CREB5: variants seen among roughly 807,000 people sequenced by gnomAD.
CREB5 encodes the protein cAMP responsive element binding protein 5.
CREB5 carries 19 observed loss-of-function variants against 57.1 expected under a neutral mutation model. The observed-to-expected ratio is 0.33, with a 90% CI of 0.23 to 0.49. CREB5 has a LOEUF of 0.49. CREB5 is among the 20% of genes least tolerant of loss of function. The pLI is 0.99. For missense variants in CREB5, 579 were observed against 671.6 expected, an observed-to-expected ratio of 0.86 and a Z score of 1.52; for synonymous variants, 238 against 238.3, an observed-to-expected ratio of 1.00 and a Z score of 0.01.
chr7:28,571,796 A>G (rs931892152), intron 5 of CREB5, among the ~76,000 whole-genome samples: 27 of 152,228 alleles, frequency 1.8e-4, no homozygotes, highest in Non-Finnish European at 3.1e-4. Flanking sequence ...TTAAGAGCAC[A>G]TGGGTTCTTA....
upstream of CREB5, among the ~76,000 whole-genome samples, chr7:28,408,723 G>C (rs558553360): frequency 2.0e-5 from 3 of 152,274 alleles, no homozygotes; most frequent in South Asian, 6.2e-4. Context: ...TATTTCATGA[G>C]AGTGTGCACC....
chr7:28,323,971 G>T (rs1785534170), intron 1 of CREB5, among the ~76,000 whole-genome samples: 1 of 152,098 alleles, frequency 6.6e-6, no homozygotes, highest in Non-Finnish European at 1.5e-5. Context: ...TCACAACAGG[G>T]TTCATGCTCC....
intron 4 of CREB5, among the ~76,000 whole-genome samples, chr7:28,550,436 G>A (rs971684698): frequency 6.6e-6 from 1 of 152,168 alleles, no homozygotes; most frequent in East Asian, 1.9e-4. Context: ...GGTTGTGGAG[G>A]GGGCTGAAAG....
At chr7:28,358,204 G>A (rs970897011) in intron 1 of CREB5, among the ~76,000 whole-genome samples, 2 of 152,180 alleles carry the variant, frequency 1.3e-5, no homozygotes, top group African/African-American at 4.8e-5. Context: ...AATATGCTCC[G>A]CTGACCTCAC....
Position 28,724,236 on chromosome 7 carries a change from G to T in CREB5, c.606G>T (p.Met202Ile). ...SAVLMPMERQ[M>I]SVNSSIMGMQ... ...CTTTCTCTTAGATGGAGCGACAAAT[G>T]TCAGTGAACTCCAGCATCATGGGGA... Residue 202 changes from methionine to isoleucine, a missense_variant, in exon 7 of 11, where the codon ATG becomes ATT. Met to Ile is a conservative substitution (Grantham distance 10). This residue lies in a region of CREB5 where 459 missense variants were observed against 515.7 expected (regional missense o/e 0.89). Coordinates refer to ENST00000357727, the MANE Select transcript of CREB5 (RefSeq NM_182898.4). The T allele has an allele frequency of 1.9e-6, 3 of 1,613,112 alleles. No homozygotes were observed. The highest frequency in any genetic ancestry group is 2.5e-6 in the Non-Finnish European group (3 of 1,179,682).
At chr7:28,747,457 C>A (rs192232716) in intron 7 of CREB5, among the ~76,000 whole-genome samples, 2 of 152,302 alleles carry the variant, frequency 1.3e-5, no homozygotes, top group East Asian at 3.9e-4. Context: ...CAGCAGAATT[C>A]GATCCAAAGG....
At chr7:28,383,569 C>T (rs1266640820) in intron 1 of CREB5, among the ~76,000 whole-genome samples, 2 of 152,140 alleles carry the variant, frequency 1.3e-5, no homozygotes, top group Admixed American at 6.6e-5. Context: ...GCTCATCTCA[C>T]ATGGCAGGAA....
intron 5 of CREB5, among the ~76,000 whole-genome samples, chr7:28,609,308 G>T (rs575772529): frequency 6.6e-6 from 1 of 152,156 alleles, no homozygotes; most frequent in African/African-American, 2.4e-5. Context: ...TTTGGACAGT[G>T]CTGGGCTGCC....
chr7:28,729,821 A>C (rs1803516745), intron 7 of CREB5, among the ~76,000 whole-genome samples: 1 of 152,236 alleles, frequency 6.6e-6, no homozygotes, highest in Non-Finnish European at 1.5e-5. Context: ...CTTTTGAATC[A>C]TGCCAGCAGC....
intron 4 of CREB5, among the ~76,000 whole-genome samples, chr7:28,518,230 C>T (rs553048936): frequency 6.6e-6 from 1 of 152,272 alleles, no homozygotes; most frequent in East Asian, 1.9e-4. Context: ...CGAATCCTGC[C>T]TGAGTTGGTG....
chr7:28,600,729 G>A (rs1015751266), intron 5 of CREB5, among the ~76,000 whole-genome samples: 14 of 152,180 alleles, frequency 9.2e-5, no homozygotes, highest in African/African-American at 3.4e-4. Context: ...TCCACATTGT[G>A]TCAAAGCCAA....
chr7:28,561,007 T>TGTGTGC (rs1562798492), intron 4 of CREB5, among the ~76,000 whole-genome samples: 2 of 44,068 alleles, frequency 4.5e-5, no homozygotes, highest in African/African-American at 2.2e-4. Flanking sequence ...TGCGTGTGCG[T>TGTGTGC]GTGTGTGTGC....
intron 7 of CREB5, among the ~76,000 whole-genome samples, chr7:28,789,551 T>C (rs567573802): frequency 6.6e-6 from 1 of 152,338 alleles, no homozygotes; most frequent in South Asian, 2.1e-4. Flanking sequence ...GGTTATAGCA[T>C]CCTTTTGATA....
chr7:28,650,961 G>A (rs1348521657), intron 5 of CREB5, among the ~76,000 whole-genome samples: 1 of 152,158 alleles, frequency 6.6e-6, no homozygotes, highest in Non-Finnish European at 1.5e-5. Flanking sequence ...ACTATGATTA[G>A]TGGTAACAGA....
intron 1 of CREB5, among the ~76,000 whole-genome samples, chr7:28,315,670 G>A (rs947782223): frequency 3.9e-5 from 6 of 152,160 alleles, no homozygotes; most frequent in East Asian, 1.9e-4. Context: ...GTCCCGACGC[G>A]TTGGAAAACG....
intron 5 of CREB5, among the ~76,000 whole-genome samples, chr7:28,579,372 C>A (rs1384362844): frequency 6.6e-6 from 1 of 152,270 alleles, no homozygotes; most frequent in African/African-American, 2.4e-5. Context: ...TGGCAAATAT[C>A]AACTAAAAGT....
At chr7:28,789,350 G>A (rs1221258688) in intron 7 of CREB5, among the ~76,000 whole-genome samples, 1 of 152,118 alleles carries the variant, frequency 6.6e-6, no homozygotes, top group African/African-American at 2.4e-5. Context: ...TCGCCTCTTA[G>A]CTGGGTATTT....
intron 1 of CREB5, among the ~76,000 whole-genome samples, chr7:28,322,466 A>G (rs1785510475): frequency 6.6e-6 from 1 of 152,130 alleles, no homozygotes; most frequent in Admixed American, 6.5e-5. Flanking sequence ...TCTGGGATAC[A>G]TGTGCTGAAC....
chr7:28,299,906 A>G (rs1457957953), intron 1 of CREB5, among the ~76,000 whole-genome samples: 1 of 152,196 alleles, frequency 6.6e-6, no homozygotes, highest in Non-Finnish European at 1.5e-5. Flanking sequence ...CATGTTGCGT[A>G]TTGTAAGAAT....
Sources: gnomAD v4.1 joint callset for allele counts (sites outside exome capture counted in the v4.1 genomes callset) on GRCh38, gnomAD v4.1.1 for gene constraint, gnomAD v4.1.1 regional missense constraint, MANE v1.5 for transcripts, NCBI Gene and HGNC (gene_info 2026-07-23, HGNC 2026-07-21) for gene names.